The following EXT2 variants were observed in gnomAD, a reference collection of about 807,000 sequenced individuals.
The protein encoded by EXT2 is exostosin glycosyltransferase 2, also known as exostosin-2.
EXT2 carries 53 observed loss-of-function variants against 81.6 expected under a neutral mutation model. The observed-to-expected ratio is 0.65, with a 90% CI of 0.52 to 0.82. The LOEUF is 0.82. Ranked by LOEUF, EXT2 falls within the 40% of genes least tolerant of loss-of-function variation. The pLI, the probability that EXT2 is intolerant of heterozygous loss-of-function variation, is 0.00. For missense variants in EXT2, 774 were observed against 910.2 expected (o/e 0.85, Z 1.93); for synonymous variants, 320 against 340.0 (o/e 0.94, Z 0.65).
chr11:44,136,389 A>G (rs1238532593), intron 7 of EXT2, among the ~76,000 whole-genome samples: 2 of 152,250 alleles, frequency 1.3e-5, no homozygotes, highest in Non-Finnish European at 2.9e-5. Context: ...TGTGAGGGAC[A>G]GACAAGCAGC....
In EXT2 at chr11:44,244,297, T is replaced by C. The variant is rs150146973; in HGVS notation, c.*10T>C. On this transcript the variant is annotated 3_prime_UTR_variant, in exon 14 of 14. Transcript: ENST00000533608. Reference sequence around the variant, plus strand: ...CATTGGCAGCTTATGAAACGTGTCATTGGTGGAGGTCTGAATGTGAGGCTG... The same window carrying C: ...CATTGGCAGCTTATGAAACGTGTCACTGGTGGAGGTCTGAATGTGAGGCTG... 84 of 1,613,782 alleles carry C rather than the reference T, an allele frequency of 5.2e-5. No individual in the cohort carries two copies. In the African/African-American group the frequency reaches 9.1e-4, roughly 17 times the overall value.
chr11:44,193,129 C>T (rs550676772), intron 8 of EXT2, among the ~76,000 whole-genome samples: 2 of 152,186 alleles, frequency 1.3e-5, no homozygotes, highest in South Asian at 4.2e-4. Context: ...GAAATAAAAA[C>T]AGTATATTTG....
chr11:44,164,906 T>G, intron 7 of EXT2, among the ~76,000 whole-genome samples: 1 of 143,520 alleles, frequency 7.0e-6, no homozygotes, highest in Admixed American at 7.2e-5. Context: ...TGAGACGGAG[T>G]CTCGCTCTGT....
chr11:44,232,033 A>G (rs1955904933), intron 10 of EXT2, among the ~76,000 whole-genome samples: 1 of 152,212 alleles, frequency 6.6e-6, no homozygotes, highest in Non-Finnish European at 1.5e-5. Flanking sequence ...GAATTCATTA[A>G]GAATGGAACC....
intron 6 of EXT2, among the ~76,000 whole-genome samples, chr11:44,127,785 G>C (rs1590572208): frequency 1.4e-5 from 2 of 139,586 alleles, no homozygotes; most frequent in East Asian, 4.0e-4. Context: ...TCAGAGTTGA[G>C]AACCACTGGT....
intron 8 of EXT2, among the ~76,000 whole-genome samples, chr11:44,195,110 G>A (rs1417687741): frequency 6.6e-6 from 1 of 152,164 alleles, no homozygotes; most frequent in Non-Finnish European, 1.5e-5. Flanking sequence ...AAAGTGTGAT[G>A]TCATGGAAAC....
rs540846442 is a variant in EXT2, at chr11:44,197,826, T to C, written c.1306-3T>C. The C allele has an allele frequency of 2.5e-6, 4 of 1,613,958 alleles. No homozygotes were observed. In the South Asian group the frequency reaches 4.4e-5, roughly 18 times the overall value. ...TGACCCGTGTTAATCTGTCCTCTTG[T>C]AGAAGTGGGGCAGCGTGAGCAATCC... On this transcript the variant is annotated splice_polypyrimidine_tract_variant and splice_region_variant and intron_variant, in intron 8 of 13. Transcript: ENST00000533608.
At chr11:44,172,678 G>T (rs1255645178) in intron 8 of EXT2, among the ~76,000 whole-genome samples, 1 of 151,326 alleles carries the variant, frequency 6.6e-6, no homozygotes, top group Non-Finnish European at 1.5e-5. Flanking sequence ...CCGCCTCCCA[G>T]GTTCAAGTGA....
chr11:44,107,468 A>G (rs1469209778), intron 1 of EXT2, among the ~76,000 whole-genome samples: 2 of 152,054 alleles, frequency 1.3e-5, no homozygotes, highest in African/African-American at 4.8e-5. Context: ...TGGTGGTCAC[A>G]GTTACTTGGG....
At chr11:44,119,182 A>G (rs1954280390) in intron 4 of EXT2, among the ~76,000 whole-genome samples, 1 of 141,296 alleles carries the variant, frequency 7.1e-6, no homozygotes, top group African/African-American at 2.6e-5. Context: ...ACATACACAC[A>G]CACACACACA....
At chr11:44,243,000 A>C (rs530537469) in intron 13 of EXT2, among the ~76,000 whole-genome samples, 1 of 152,342 alleles carries the variant, frequency 6.6e-6, no homozygotes, top group Non-Finnish European at 1.5e-5. Context: ...CTTGGAACAT[A>C]CAGTAAATGG....
At chr11:44,122,355 C>T (rs1013988103) in intron 4 of EXT2, among the ~76,000 whole-genome samples, 1 of 152,158 alleles carries the variant, frequency 6.6e-6, no homozygotes, top group Non-Finnish European at 1.5e-5. Context: ...GTGGGTTTGA[C>T]TGTAAATTTT....
At chr11:44,138,812 C>T (rs145766275) in intron 7 of EXT2, among the ~76,000 whole-genome samples, 111 of 152,184 alleles carry the variant, frequency 7.3e-4, no homozygotes, top group Non-Finnish European at 1.2e-3. Flanking sequence ...TTACCTATAA[C>T]GTGGAGCTAA....
At chr11:44,227,201 C>T (rs1427170363) in intron 10 of EXT2, among the ~76,000 whole-genome samples, 1 of 152,206 alleles carries the variant, frequency 6.6e-6, no homozygotes, top group Non-Finnish European at 1.5e-5. Context: ...GGTTAGCACA[C>T]ACCCTGAGTT....
intron 7 of EXT2, among the ~76,000 whole-genome samples, chr11:44,147,450 A>G (rs1157639534): frequency 6.6e-6 from 1 of 152,232 alleles, no homozygotes; most frequent in Non-Finnish European, 1.5e-5. Flanking sequence ...CTATTGATTC[A>G]TTGATTCACT....
chr11:44,130,278 A>C (rs977040024), intron 7 of EXT2, 140 bp downstream of exon 7: 1 of 723,936 alleles, frequency 1.4e-6, no homozygotes, highest in Admixed American at 2.0e-5. Flanking sequence ...AAACGATAGG[A>C]AATTAATGTT....
At chr11:44,239,109 A>T (rs1459646240) in intron 13 of EXT2, among the ~76,000 whole-genome samples, 1 of 151,646 alleles carries the variant, frequency 6.6e-6, no homozygotes, top group Non-Finnish European at 1.5e-5. Flanking sequence ...ATTACAAGAG[A>T]TTTTTTTTTC....
chr11:44,113,074 G>A (rs1463391237), intron 3 of EXT2, among the ~76,000 whole-genome samples: 1 of 152,190 alleles, frequency 6.6e-6, no homozygotes, highest in Non-Finnish European at 1.5e-5. Flanking sequence ...TTGGTACTAA[G>A]GATAGTTATT....
In EXT2 at chr11:44,232,370, T is replaced by C; in HGVS notation, c.1680T>C (p.Pro560=). The C allele has an allele frequency of 6.2e-7, 1 of 1,614,052 alleles. No individual in the cohort carries two copies. The highest frequency in any genetic ancestry group is 8.5e-7 in the Non-Finnish European group (1 of 1,179,952). Residue 560 remains proline, a synonymous_variant, in exon 11 of 14, where the codon CCT becomes CCC. Coordinates refer to ENST00000533608, the MANE Select transcript of EXT2 (RefSeq NM_207122.2). ...QFGYEVWREF[P]DRLVGYPGRL... ...GTCCTTAGGTCTGGCGGGAATTTCCTGACCGGTTGGTGGGTTACCCGGGTC... is the reference window on the plus strand; with the variant it reads ...GTCCTTAGGTCTGGCGGGAATTTCCCGACCGGTTGGTGGGTTACCCGGGTC...
Sources: gnomAD v4.1 joint callset for allele counts (sites outside exome capture counted in the v4.1 genomes callset) on GRCh38, gnomAD v4.1.1 for gene constraint, MANE v1.5 for transcripts, NCBI Gene and HGNC (gene_info 2026-07-23, HGNC 2026-07-21) for gene names.